BTNL9: variants seen among roughly 807,000 people sequenced by gnomAD.
BTNL9 encodes the protein butyrophilin-like protein 9.
In BTNL9, 45 loss-of-function variants were observed where a neutral mutation model predicts 45.8. That is an observed-to-expected ratio of 0.98 (90% CI 0.77 to 1.26). BTNL9 has a LOEUF of 1.26. BTNL9 is among the 50% of genes most tolerant of loss of function. The pLI is 0.00. For synonymous variants in BTNL9, 346 were observed against 330.8 expected (o/e 1.05, Z -0.50); for missense variants, 784 against 729.7 (o/e 1.07, Z -0.86).
Position 181,055,684 on chromosome 5 carries a change from G to A in BTNL9, c.928+231G>A, listed in dbSNP as rs1761840415. 1 of 688,336 alleles carries A rather than the reference G, an allele frequency of 1.5e-6. No individual in the cohort carries two copies. The highest frequency in any genetic ancestry group is 2.1e-5 in the Admixed American group (1 of 47,394). The allele number at this position is 688,336 out of a possible 1,614,324, so 42.6% of individuals were successfully genotyped here. A position where few individuals can be genotyped will look rare whatever the true frequency, so the allele number is the denominator to read the frequency against. On this transcript the variant is annotated intron_variant, in intron 8 of 10. Coordinates refer to ENST00000327705, the MANE Select transcript of BTNL9 (RefSeq NM_152547.5). The surrounding 1 kb of genome is among the most constrained non-coding windows in gnomAD (Gnocchi z 4.4). ...CATGGGAGGCTGAGGCAGGAGAAGG[G>A]CGTGAACCCGGGAAGCGGAGCTTGC...
intron 4 of BTNL9, chr5:181,052,956 C>A (rs897416717): frequency 2.3e-5 from 3 of 131,582 alleles, no homozygotes; most frequent in Non-Finnish European, 4.9e-5. Context: ...GCAGAAGCCT[C>A]GAGCCGGGCT....
intron 6 of BTNL9, 53 bp from the exon 7 acceptor site, chr5:181,054,186 C>G: frequency 6.2e-7 from 1 of 1,611,960 alleles, no homozygotes; most frequent in Non-Finnish European, 8.5e-7. Flanking sequence ...CCTCATTCCC[C>G]AACCTGAGAG....
rs754331202 is a variant in BTNL9, at chr5:181,050,183, G to A, written c.550G>A (p.Val184Ile). ...RSSGWYPKPK[V>I]QWRDHQGQCL... Reference sequence around the variant, plus strand: ...CAGTGGCTGGTACCCCAAGCCTAAGGTTCAGTGGAGAGACCACCAGGGACA... The same window carrying A: ...CAGTGGCTGGTACCCCAAGCCTAAGATTCAGTGGAGAGACCACCAGGGACA... Residue 184 changes from valine to isoleucine, a missense_variant, in exon 4 of 11, where the codon GTT (valine) becomes ATT (isoleucine). Transcript: ENST00000327705. The surrounding 1 kb of genome is among the most constrained non-coding windows in gnomAD (Gnocchi z 4.9). The A allele has an allele frequency of 8.7e-6, 14 of 1,614,074 alleles. 1 individual carries two copies. In the South Asian group the frequency reaches 1.5e-4, roughly 18 times the overall value.
rs1761655111 is a variant in BTNL9, at chr5:181,053,040, GCCGCGCGCGCTCCC to G, written c.737-159_737-146del. ...CGCCGCGCGCGCCCCCGCCCCCTCC[GCCGCGCGCGCTCCC>G]GCTCCACGCCCGTTTCCCAGGCGGC... On this transcript the variant is annotated intron_variant, in intron 4 of 10. Coordinates refer to ENST00000327705, the MANE Select transcript of BTNL9 (RefSeq NM_152547.5). The surrounding 1 kb of genome is among the most constrained non-coding windows in gnomAD (Gnocchi z 6.5). The G allele has an allele frequency of 3.7e-6, 1 of 266,874 alleles. No homozygotes were observed. Among genetic ancestry groups the G allele is most frequent in the East Asian group, 9.9e-5 (1 of 10,102 alleles). The allele number at this position is 266,874 out of a possible 1,614,324, so 16.5% of individuals were successfully genotyped here. A position where few individuals can be genotyped will look rare whatever the true frequency, so the allele number is the denominator to read the frequency against.
At chr5:181,048,805 ATAATTATAT>A (rs1484293926) in intron 3 of BTNL9, among the ~76,000 whole-genome samples, 7 of 35,554 alleles carry the variant, frequency 2.0e-4, no homozygotes, top group African/African-American at 3.7e-4. Context: ...TATATATTAT[ATAATTATAT>A]TAGTTATATA....
At chr5:181,054,635 T>G in intron 7 of BTNL9, 5 of 985,458 alleles carry the variant, frequency 5.1e-6, no homozygotes, top group Non-Finnish European at 6.0e-6. Context: ...AGATCCACTT[T>G]TCTCCCCAGA....
At chr5:181,047,764 G>A (rs186222225) in intron 2 of BTNL9, among the ~76,000 whole-genome samples, 163 bp from the exon 3 acceptor site, 93 of 152,266 alleles carry the variant, frequency 6.1e-4, no homozygotes, top group Non-Finnish European at 9.6e-4. Flanking sequence ...ACGTTTTTTC[G>A]TAAAAATTAC....
At position 181,059,565 on chromosome 5, in the gene BTNL9, C is replaced by T. The variant is rs1205976419; in HGVS notation, c.1311C>T (p.Arg437=). 5.0e-6 allele frequency: 8 copies of T among 1,611,554 alleles called. No individual in the cohort carries two copies. Among genetic ancestry groups the T allele is most frequent in the African/African-American group, 4.0e-5 (3 of 74,918 alleles). The change falls in exon 11 of 11, where the codon CGC becomes CGT. Residue 437 remains arginine (R), a synonymous_variant. Transcript: ENST00000327705. ...AGTACTTCGTCCTGGCCCCGCACCG[C>T]GTCGCGCTCACCCTGCGCGTGCCCC... ...GCEYFVLAPH[R]VALTLRVPPR...
Position 181,042,615 on chromosome 5 carries a change from T to G in BTNL9, c.-24+2183T>G, listed in dbSNP as rs998940967. On this transcript the variant is annotated intron_variant, in intron 1 of 10. Transcript: ENST00000327705. The surrounding 1 kb of genome is among the most constrained non-coding windows in gnomAD (Gnocchi z 4.5). The stretch of plus-strand genomic sequence containing the variant: ...AGACCATCTCTCTCTGCTAAAGGCT[T>G]TCAAGATGATACCCTTGAGTGTTGG... Among the ~76,000 whole-genome samples, 2 of 152,180 alleles carry G rather than the reference T, an allele frequency of 1.3e-5. No homozygotes were observed. The highest frequency in any genetic ancestry group is 1.3e-4 in the Admixed American group (2 of 15,274).
chr5:181,043,805 T>G (rs1439447960), intron 1 of BTNL9, among the ~76,000 whole-genome samples: 1 of 152,208 alleles, frequency 6.6e-6, no homozygotes, highest in Non-Finnish European at 1.5e-5. Context: ...GCTGGAACCC[T>G]TCCTTGCCAG....
Position 181,059,628 on chromosome 5 carries a change from A to G in BTNL9, c.1374A>G (p.Gly458=). 1 of 1,613,508 alleles carries G rather than the reference A, an allele frequency of 6.2e-7. No individual in the cohort carries two copies. Among genetic ancestry groups the G allele is most frequent in the Non-Finnish European group, 8.5e-7 (1 of 1,179,928 alleles). Residue 458 remains glycine (G), a synonymous_variant, in exon 11 of 11, where the codon GGA becomes GGG. Transcript: ENST00000327705. ...RLGVFLDYEA[G]ELSFFNVSDG... ...GCGTCTTCCTGGACTACGAGGCCGG[A>G]GAGCTGTCCTTCTTCAACGTGTCCG...
chr5:181,050,498 C>A lies in BTNL9; in HGVS notation c.736+129C>A. 1 of 1,163,888 alleles carries A rather than the reference C, an allele frequency of 8.6e-7. No individual in the cohort carries two copies. Among genetic ancestry groups the A allele is most frequent in the Admixed American group, 2.4e-5 (1 of 42,552 alleles). 72.1% of individuals were successfully genotyped at this position (1,163,888 alleles called of 1,614,324 possible). On this transcript the variant is annotated intron_variant, in intron 4 of 10. Transcript: ENST00000327705. The surrounding 1 kb of genome is among the most constrained non-coding windows in gnomAD (Gnocchi z 4.9). ...ATATAGGGTGTGTTGGCCTTGACAC[C>A]TGAAAAGTCAGCACCTTGGATATTA... is the stretch of plus-strand genomic sequence containing the variant.
Position 181,059,394 on chromosome 5 carries a change from C to T in BTNL9, c.1140C>T (p.Ser380=), listed in dbSNP as rs1399499509. The change falls in exon 11 of 11, where the codon TCC becomes TCT. Residue 380 remains serine (S), a synonymous_variant. Transcript: ENST00000327705. The stretch of plus-strand genomic sequence containing the variant: ...GCGCGCTGAGCCTGGAGCGGTTCTC[C>T]GCCGGCCGCCACTACTGGGAGGTGC... ...QTCALSLERF[S]AGRHYWEVHV... is the part of the protein sequence containing the mutation. 2 of 1,524,270 alleles carry T rather than the reference C, an allele frequency of 1.3e-6. No homozygotes were observed. Among genetic ancestry groups the T allele is most frequent in the African/African-American group, 1.4e-5 (1 of 70,366 alleles). 94.4% of individuals were successfully genotyped at this position (1,524,270 alleles called of 1,614,324 possible).
Position 181,055,801 on chromosome 5 carries a change from C to G in BTNL9, c.929-188C>G, listed in dbSNP as rs778525251. 2 of 755,414 alleles carry G rather than the reference C, an allele frequency of 2.6e-6. No homozygotes were observed. The highest frequency in any genetic ancestry group is 2.5e-5 in the East Asian group (1 of 39,394). The allele number at this position is 755,414 out of a possible 1,614,324, so 46.8% of individuals were successfully genotyped here. A position where few individuals can be genotyped will look rare whatever the true frequency, so the allele number is the denominator to read the frequency against. ...AAAAGAACTATTTCTCCTCATTCAT[C>G]ATTTTGCATCTGATTCCCCATATAT... On this transcript the variant is annotated intron_variant, in intron 8 of 10. Transcript: ENST00000327705. This position sits in a 1 kb window ranked among gnomAD's most constrained non-coding sequence, Gnocchi z 4.4.
At chr5:181,047,311 G>A (rs1231480892) in intron 2 of BTNL9, among the ~76,000 whole-genome samples, 1 of 152,188 alleles carries the variant, frequency 6.6e-6, no homozygotes, top group Non-Finnish European at 1.5e-5. Context: ...CAACAAATGA[G>A]TCTCAAAGGA....
chr5:181,055,078 C>A lies in BTNL9; in HGVS notation c.908-355C>A. On this transcript the variant is annotated intron_variant, in intron 7 of 10. Coordinates refer to ENST00000327705, the MANE Select transcript of BTNL9 (RefSeq NM_152547.5). This position sits in a 1 kb window ranked among gnomAD's most constrained non-coding sequence, Gnocchi z 4.4. Reference sequence around the variant, plus strand: ...TGAGTGACCGTGAGGCTCACGTAGGCGGCCCTCAGTGCCTGCACTTAGGCG... The same window carrying A: ...TGAGTGACCGTGAGGCTCACGTAGGAGGCCCTCAGTGCCTGCACTTAGGCG... The A allele has an allele frequency of 9.1e-7, 1 of 1,097,574 alleles. No individual in the cohort carries two copies. The highest frequency in any genetic ancestry group is 3.8e-5 in the South Asian group (1 of 26,448). The allele number at this position is 1,097,574 out of a possible 1,614,324, so 68.0% of individuals were successfully genotyped here. A position where few individuals can be genotyped will look rare whatever the true frequency, so the allele number is the denominator to read the frequency against.
In BTNL9 at chr5:181,042,803, C is replaced by T. The variant is rs1035825219; in HGVS notation, c.-24+2371C>T. ...GTTTTGTGGCTGGCACCGTGTGAGC[C>T]GGTCGCTTCTTCAGTGCCTCTGTGT... On this transcript the variant is annotated intron_variant, in intron 1 of 10. Coordinates refer to ENST00000327705, the MANE Select transcript of BTNL9 (RefSeq NM_152547.5). The surrounding 1 kb of genome is among the most constrained non-coding windows in gnomAD (Gnocchi z 4.5). 3.3e-5 allele frequency among the ~76,000 whole-genome samples: 5 copies of T among 152,090 alleles called. No homozygotes were observed. Among genetic ancestry groups the T allele is most frequent in the African/African-American group, 1.2e-4 (5 of 41,400 alleles).
Position 181,061,344 on chromosome 5 carries a change from A to G in BTNL9, c.*1482A>G, listed in dbSNP as rs932335658. ...AATGTGGCTTTGCTGTGGGTTTGAA[A>G]TTTTGCAAACTAAGAGTTGGGTGGC... On this transcript the variant is annotated 3_prime_UTR_variant, in exon 11 of 11. Coordinates refer to ENST00000327705, the MANE Select transcript of BTNL9 (RefSeq NM_152547.5). 2.6e-5 allele frequency: 4 copies of G among 152,178 alleles called. No homozygotes were observed. The highest frequency in any genetic ancestry group is 5.9e-5 in the Non-Finnish European group (4 of 68,018). 9.4% of individuals were successfully genotyped at this position (152,178 alleles called of 1,614,324 possible).
intron 1 of BTNL9, among the ~76,000 whole-genome samples, chr5:181,041,973 C>G (rs1027737275): frequency 1.1e-4 from 17 of 151,978 alleles, no homozygotes; most frequent in African/African-American, 4.1e-4. Flanking sequence ...AGTAGCAAAG[C>G]AAAAAGTACT....
Sources: allele counts gnomAD v4.1 joint callset (sites outside exome capture counted in the v4.1 genomes callset), GRCh38; gene constraint gnomAD v4.1.1; non-coding constraint Gnocchi (gnomAD v3.1); transcripts MANE v1.5; gene names NCBI Gene and HGNC (gene_info 2026-07-23, HGNC 2026-07-21).